Variants in RGS8 observed in about 807,000 individuals in gnomAD.
The protein encoded by RGS8 is regulator of G protein signaling 8, also known as regulator of G-protein signaling 8.
A neutral mutation model predicts 21.7 loss-of-function variants in RGS8; 8 were observed. The observed-to-expected ratio is 0.37, with a 90% CI of 0.22 to 0.66. RGS8 has a LOEUF of 0.66. RGS8 is among the 30% of genes least tolerant of loss of function. The pLI is 0.59. For synonymous variants in RGS8, 80 were observed against 83.6 expected (o/e 0.96, Z 0.24); for missense variants, 157 against 217.9 (o/e 0.72, Z 1.76).
At chr1:182,667,661 C>G (rs909900628) in intron 3 of RGS8, among the ~76,000 whole-genome samples, 2 of 152,130 alleles carry the variant, frequency 1.3e-5, no homozygotes, top group Admixed American at 6.5e-5. Context: ...TCTCAATAAG[C>G]ATAATTAAAT....
At chr1:182,649,690 T>C (rs1662901966) in intron 5 of RGS8, among the ~76,000 whole-genome samples, 1 of 151,768 alleles carries the variant, frequency 6.6e-6, no homozygotes, top group South Asian at 2.1e-4. Flanking sequence ...ATGCATCCAG[T>C]TAATGTTTTT....
chr1:182,666,278 G>A (rs1344680221), intron 4 of RGS8, among the ~76,000 whole-genome samples: 1 of 152,136 alleles, frequency 6.6e-6, no homozygotes, highest in Non-Finnish European at 1.5e-5. Context: ...TTAGTCTAAA[G>A]AACAAAGCTA....
the RGS8 span, among the ~76,000 whole-genome samples, chr1:182,709,710 A>G: frequency 3.3e-5 from 5 of 152,202 alleles, no homozygotes; most frequent in Non-Finnish European, 7.3e-5. Flanking sequence ...AAAGGTGCAG[A>G]GTTGCAAACT....
At chr1:182,707,012 A>T in the RGS8 span, among the ~76,000 whole-genome samples, 1 of 152,030 alleles carries the variant, frequency 6.6e-6, no homozygotes, top group African/African-American at 2.4e-5. Context: ...ACAAAAAATT[A>T]GCCAGGCGTG....
At position 182,671,849 on chromosome 1, in the gene RGS8, C is replaced by T. The variant is rs1234645895; in HGVS notation, c.-178G>A. The T allele has an allele frequency of 8.4e-6, 13 of 1,546,470 alleles. No homozygotes were observed. In the East Asian group the frequency reaches 2.5e-4, roughly 30 times the overall value. ...ACACACACAGGCATGCACAACACAC[C>T]TCCCACCACTTGAGCCAGGCAGCAA... On this transcript the variant is annotated splice_region_variant and 5_prime_UTR_variant, in exon 1 of 7. Coordinates refer to ENST00000483095, the Ensembl canonical transcript of RGS8.
chr1:182,718,789 CA>C, the RGS8 span, among the ~76,000 whole-genome samples: 1 of 151,918 alleles, frequency 6.6e-6, no homozygotes, highest in Non-Finnish European at 1.5e-5. Context: ...CGTGCTTTAC[CA>C]AAAAAATAAA....
chr1:182,688,410 A>C (rs1419536281), upstream of RGS8, among the ~76,000 whole-genome samples: 1 of 152,100 alleles, frequency 6.6e-6, no homozygotes, highest in Non-Finnish European at 1.5e-5. Context: ...GGAAAGAATG[A>C]AAGGGAGAAG....
chr1:182,645,701 C>T (rs1241920052), downstream of RGS8: 1 of 152,166 alleles, frequency 6.6e-6, no homozygotes, highest in Non-Finnish European at 1.5e-5. Context: ...AGAGTTTCAG[C>T]CTAAATTCCC....
At chr1:182,708,490 G>T in the RGS8 span, among the ~76,000 whole-genome samples, 1 of 152,190 alleles carries the variant, frequency 6.6e-6, no homozygotes, top group Non-Finnish European at 1.5e-5. Context: ...TGATATAATG[G>T]CTCAGACAAG....
At chr1:182,648,635 G>A (rs1662825705) in intron 5 of RGS8, among the ~76,000 whole-genome samples, 2 of 152,184 alleles carry the variant, frequency 1.3e-5, no homozygotes, top group African/African-American at 2.4e-5. Flanking sequence ...TACTTGGCAG[G>A]GAGGCAGGAG....
chr1:182,671,930 A>C (rs1261533040), upstream of RGS8: 1 of 1,427,480 alleles, frequency 7.0e-7, no homozygotes. Flanking sequence ...ATACTGAAGC[A>C]GCCTACACCC....
At chr1:182,663,722 T>TA (rs1663715178) in intron 5 of RGS8, among the ~76,000 whole-genome samples, 5 of 152,060 alleles carry the variant, frequency 3.3e-5, no homozygotes, top group Non-Finnish European at 5.9e-5. Context: ...ACAGACAGGG[T>TA]CTCACTATGT....
intron 6 of RGS8, 115 bp downstream of exon 7, chr1:182,648,022 G>T: frequency 1.1e-6 from 1 of 888,564 alleles, no homozygotes; most frequent in Non-Finnish European, 1.6e-6. Context: ...CCAGAGTGAT[G>T]AGGCTCAGTT....
chr1:182,649,517 G>A (rs368314078), intron 5 of RGS8, among the ~76,000 whole-genome samples: 16 of 152,204 alleles, frequency 1.1e-4, no homozygotes, highest in Admixed American at 7.2e-4. Context: ...TTTTAATTAA[G>A]ATTGATCATA....
chr1:182,684,853 C>T (rs530440377), upstream of RGS8, among the ~76,000 whole-genome samples: 5 of 152,208 alleles, frequency 3.3e-5, no homozygotes, highest in Non-Finnish European at 5.9e-5. The surrounding 1 kb of genome is among the most constrained non-coding windows in gnomAD (Gnocchi z 4.2). Flanking sequence ...CACAAGGAGG[C>T]GAAACGGGGT....
chr1:182,672,678 C>T, upstream of RGS8: 1 of 947,982 alleles, frequency 1.1e-6, no homozygotes, highest in South Asian at 1.4e-5. Flanking sequence ...AAACTCACCT[C>T]TCTCCCTCAT....
At chr1:182,715,830 G>A in the RGS8 span, among the ~76,000 whole-genome samples, 1 of 152,152 alleles carries the variant, frequency 6.6e-6, no homozygotes, top group South Asian at 2.1e-4. Flanking sequence ...GTCTGCCACA[G>A]TGAAACAGAA....
chr1:182,673,100 G>A (rs777174593), upstream of RGS8, among the ~76,000 whole-genome samples: 3 of 152,032 alleles, frequency 2.0e-5, no homozygotes, highest in Admixed American at 6.6e-5. Flanking sequence ...AGGTCCCTAA[G>A]GTTGAGTCTA....
At chr1:182,708,831 A>G in the RGS8 span, among the ~76,000 whole-genome samples, 1 of 152,220 alleles carries the variant, frequency 6.6e-6, no homozygotes, top group Non-Finnish European at 1.5e-5. Context: ...CCATGAGGTG[A>G]TGAGACTTCT....
Sources: allele counts gnomAD v4.1 joint callset (sites outside exome capture counted in the v4.1 genomes callset), GRCh38; gene constraint gnomAD v4.1.1; non-coding constraint Gnocchi (gnomAD v3.1); transcripts MANE v1.5; gene names NCBI Gene and HGNC (gene_info 2026-07-23, HGNC 2026-07-21).